Variants in GRIA3 observed in about 807,000 individuals in gnomAD.
GRIA3 encodes glutamate receptor 3.
GRIA3 carries 3 observed loss-of-function variants against 63.0 expected under a neutral mutation model. The observed-to-expected ratio is 0.05, with a 90% CI of 0.02 to 0.12. The LOEUF (loss-of-function observed/expected upper bound fraction) is 0.12. Ranked by LOEUF, GRIA3 falls within the 10% of genes least tolerant of loss-of-function variation. The pLI, the probability that GRIA3 is intolerant of heterozygous loss-of-function variation, is 1.00. For synonymous variants in GRIA3, 274 were observed against 257.9 expected (o/e 1.06, Z -0.60); for missense variants, 347 against 700.9 (o/e 0.50, Z 5.70).
In GRIA3 at chrX:123,377,063, C is replaced by T. The variant is rs984170784; in HGVS notation, c.751-17905C>T. 6.5e-5 allele frequency among the ~76,000 whole-genome samples: 7 copies of T among 108,347 alleles called. No individual in the cohort carries two copies. In the South Asian group the frequency reaches 2.5e-3, roughly 39 times the overall value. The allele number at this position is 108,347 out of a possible 115,157, so 94.1% of individuals were successfully genotyped here. A position where few individuals can be genotyped will look rare whatever the true frequency, so the allele number is the denominator to read the frequency against. ...CATTCTCCTGCCTCAGCCTCCCGAG[C>T]AGCTGGGACTATAGGCGCCCGCCAC... On this transcript the variant is annotated intron_variant, in intron 5 of 15. Transcript: ENST00000620443.
chrX:123,375,571 C>T (rs905761038), intron 5 of GRIA3, among the ~76,000 whole-genome samples: 2 of 111,803 alleles, frequency 1.8e-5, no homozygotes, highest in Non-Finnish European at 3.8e-5. Flanking sequence ...TTTAAACCCT[C>T]TTAAATTCTG....
chrX:123,260,175 G>A (rs2044443254), intron 3 of GRIA3, among the ~76,000 whole-genome samples: 1 of 106,586 alleles, frequency 9.4e-6, no homozygotes, highest in Non-Finnish European at 1.9e-5. Context: ...CTGATTCTGA[G>A]GGAAGGGAAC....
intron 5 of GRIA3, among the ~76,000 whole-genome samples, chrX:123,355,675 A>G (rs1042094081): frequency 2.7e-5 from 3 of 111,945 alleles, no homozygotes; most frequent in Non-Finnish European, 5.6e-5. Context: ...AATTATCGCT[A>G]TAATACTAAA....
rs750554220 is a variant in GRIA3 at position 123,464,821 on chromosome X, C to CTGAA, written c.2077-42_2077-39dup. The CTGAA allele has an allele frequency of 4.3e-6, 5 of 1,172,331 alleles. No individual in the cohort carries two copies. In the Admixed American group the frequency reaches 1.1e-4, roughly 26 times the overall value. ...ACTACTGCACTAACCCTCCTCCAGA[C>CTGAA]TGAATATCTGGCAGCTCTAAGAATT... On this transcript the variant is annotated intron_variant, in intron 12 of 15. Transcript: ENST00000620443.
intron 12 of GRIA3, among the ~76,000 whole-genome samples, chrX:123,432,473 C>T (rs2045623358): frequency 8.9e-6 from 1 of 112,027 alleles, no homozygotes; most frequent in Admixed American, 9.5e-5. Context: ...TTGGGCACAA[C>T]TCCAGAGGCC....
At chrX:123,197,166 G>C (rs776680131) in intron 2 of GRIA3, among the ~76,000 whole-genome samples, 2 of 111,630 alleles carry the variant, frequency 1.8e-5, no homozygotes, top group Non-Finnish European at 3.8e-5. Context: ...ACCTATCTCT[G>C]GCTCTAGTTT....
At chrX:123,357,508 T>C (rs1389943417) in intron 5 of GRIA3, among the ~76,000 whole-genome samples, 1 of 107,115 alleles carries the variant, frequency 9.3e-6, no homozygotes, top group African/African-American at 3.4e-5. Context: ...AGGCATGCAA[T>C]GCACAATAAC....
chrX:123,410,388 A>C (rs2147388649), intron 10 of GRIA3, among the ~76,000 whole-genome samples: 1 of 112,135 alleles, frequency 8.9e-6, no homozygotes, highest in South Asian at 3.7e-4. Flanking sequence ...CTTCTGACTT[A>C]GAAGATAGCA....
chrX:123,185,741 AGAG>A, intron 1 of GRIA3, 88 bp from the exon 2 acceptor site: 1 of 686,529 alleles, frequency 1.5e-6, no homozygotes, highest in Non-Finnish European at 2.4e-6. Flanking sequence ...AGTATCATTG[AGAG>A]GTATCCGGTA....
At chrX:123,456,139 G>T (rs1432362279) in intron 12 of GRIA3, among the ~76,000 whole-genome samples, 1 of 110,763 alleles carries the variant, frequency 9.0e-6, no homozygotes, top group African/African-American at 3.3e-5. Flanking sequence ...TTTATAAAAT[G>T]GGAATTCATT....
At chrX:123,225,580 C>A (rs1388409228) in intron 2 of GRIA3, among the ~76,000 whole-genome samples, 1 of 111,843 alleles carries the variant, frequency 8.9e-6, no homozygotes, top group Non-Finnish European at 1.9e-5. Flanking sequence ...CATCTTTAGT[C>A]CCAGGAACTA....
chrX:123,274,056 T>C (rs1415720802), intron 3 of GRIA3, among the ~76,000 whole-genome samples: 7 of 112,239 alleles, frequency 6.2e-5, no homozygotes, highest in Admixed American at 3.8e-4. Context: ...TAACTTATGC[T>C]ACCTAAGTGA....
intron 5 of GRIA3, among the ~76,000 whole-genome samples, chrX:123,371,001 T>A (rs1450680470): frequency 9.1e-6 from 1 of 110,449 alleles, no homozygotes; most frequent in Non-Finnish European, 1.9e-5. Flanking sequence ...CTAACTTTTT[T>A]TTTATTAATC....
At chrX:123,270,604 G>C (rs1164044317) in intron 3 of GRIA3, among the ~76,000 whole-genome samples, 1 of 111,984 alleles carries the variant, frequency 8.9e-6, no homozygotes, top group African/African-American at 3.2e-5. Flanking sequence ...TTTCTTTCTG[G>C]CTTTTCTAAG....
intron 2 of GRIA3, among the ~76,000 whole-genome samples, chrX:123,195,936 G>C (rs904007551): frequency 2.7e-5 from 3 of 111,457 alleles, no homozygotes; most frequent in Non-Finnish European, 5.7e-5. Flanking sequence ...AGCTTTTCAT[G>C]ACTGAGTGCC....
intron 12 of GRIA3, among the ~76,000 whole-genome samples, chrX:123,441,407 A>G (rs1446316514): frequency 1.8e-5 from 2 of 111,763 alleles, no homozygotes; most frequent in African/African-American, 6.5e-5. Flanking sequence ...AAATCAATAT[A>G]TAGACTGCCA....
chrX:123,240,078 T>G (rs1375747755), intron 2 of GRIA3, among the ~76,000 whole-genome samples: 1 of 111,729 alleles, frequency 9.0e-6, no homozygotes, highest in African/African-American at 3.3e-5. Context: ...TGTTCTTAGA[T>G]TCGAGCTAGA....
At chrX:123,434,737 C>G (rs1043965344) in intron 12 of GRIA3, among the ~76,000 whole-genome samples, 2 of 111,425 alleles carry the variant, frequency 1.8e-5, no homozygotes, top group Non-Finnish European at 3.8e-5. Context: ...TGGCTTTTCC[C>G]ATCCTTCAGC....
chrX:123,322,344 G>A (rs770417635), intron 3 of GRIA3, among the ~76,000 whole-genome samples: 3 of 112,160 alleles, frequency 2.7e-5, no homozygotes, highest in East Asian at 2.8e-4. Flanking sequence ...AGTGGATAGC[G>A]ACAGCAGTCT....
Sources: allele counts gnomAD v4.1 joint callset (sites outside exome capture counted in the v4.1 genomes callset), GRCh38; gene constraint gnomAD v4.1.1; transcripts MANE v1.5; gene names NCBI Gene and HGNC (gene_info 2026-07-23, HGNC 2026-07-21).